CD163L1: variants seen among roughly 807,000 people sequenced by gnomAD.
CD163L1 encodes scavenger receptor cysteine-rich type 1 protein M160.
Under a neutral mutation model 165.4 loss-of-function variants are expected in CD163L1, and 124 were observed. That is an observed-to-expected ratio of 0.75 (90% CI 0.65 to 0.87). The LOEUF is 0.87. Among genes scored for constraint, CD163L1 ranks in the 40% least tolerant of loss-of-function variants. The pLI, the probability that CD163L1 is intolerant of heterozygous loss-of-function variation, is 0.00. For synonymous variants in CD163L1, 585 were observed against 662.2 expected, an observed-to-expected ratio of 0.88 and a Z score of 1.79; for missense variants, 1,525 against 1,799.9, an observed-to-expected ratio of 0.85 and a Z score of 2.76.
At chr12:7,373,733 A>G in intron 13 of CD163L1, 93 bp from the exon 14 acceptor site, 1 of 1,031,102 alleles carries the variant, frequency 9.7e-7, no homozygotes, top group Non-Finnish European at 1.4e-6. Flanking sequence ...GAAATAATAC[A>G]TTAGGGCTCA....
chr12:7,432,414 A>G lies in CD163L1; in HGVS notation c.766+2T>C, dbSNP rs1948644975. ...CTTCTACATGATGTCTTGGGTTCTTACCATAACAAGTTAATGTGACATCCT... is the reference window on the plus strand; with the variant it reads ...CTTCTACATGATGTCTTGGGTTCTTGCCATAACAAGTTAATGTGACATCCT... On this transcript the variant is annotated splice_donor_variant, in intron 4 of 19. Transcript: ENST00000313599. LOFTEE classifies it high-confidence loss of function. This position sits in a 1 kb window ranked among gnomAD's most constrained non-coding sequence, Gnocchi z 4.2. 1.2e-6 allele frequency: 2 copies of G among 1,604,874 alleles called. No homozygotes were observed. The highest frequency in any genetic ancestry group is 1.3e-5 in the African/African-American group (1 of 74,742).
intron 19 of CD163L1, among the ~76,000 whole-genome samples, chr12:7,355,406 T>G (rs1946754633): frequency 6.6e-6 from 1 of 152,146 alleles, no homozygotes; most frequent in African/African-American, 2.4e-5. Context: ...AAAAGAGTGT[T>G]AAATAACACC....
chr12:7,421,494 T>C (rs1245968005), intron 4 of CD163L1, among the ~76,000 whole-genome samples: 3 of 111,276 alleles, frequency 2.7e-5, no homozygotes, highest in Non-Finnish European at 5.0e-5. Context: ...CATATATACA[T>C]ATATGTACAT....
intron 5 of CD163L1, among the ~76,000 whole-genome samples, chr12:7,405,744 TA>T (rs1387571714): frequency 6.6e-6 from 1 of 152,212 alleles, no homozygotes. Context: ...AGTAATAATT[TA>T]CGAAAGAAGC....
Position 7,373,367 on chromosome 12 carries a change from T to C in CD163L1, c.3683A>G (p.Glu1228Gly). The C allele has an allele frequency of 6.2e-7, 1 of 1,614,022 alleles. No homozygotes were observed. Among genetic ancestry groups the C allele is most frequent in the Non-Finnish European group, 8.5e-7 (1 of 1,179,938 alleles). ...TTCTGCTGGGCTGGAGATTCTTCGC[T>C]CCCATGGGGCAGACAGGCACTGCCA... The part of the protein sequence containing the change: ...SIWQCLSAPW[E>G]RRISSPAEET... The change falls in exon 14 of 20, where the codon GAG becomes GGG. Residue 1228 changes from glutamate (E) to glycine (G), a missense_variant. Transcript: ENST00000313599.
the CD163L1 span, among the ~76,000 whole-genome samples, chr12:7,335,847 G>C: frequency 3.3e-5 from 5 of 152,282 alleles, no homozygotes; most frequent in Middle Eastern, 6.8e-3. Context: ...AGTGGGCAAA[G>C]GATATGAACA....
At chr12:7,377,915 T>C (rs773289480) in intron 9 of CD163L1, among the ~76,000 whole-genome samples, 66 of 152,382 alleles carry the variant, frequency 4.3e-4, no homozygotes, top group African/African-American at 1.6e-3. Context: ...AGTTTCCGTC[T>C]ACATATGTAG....
At chr12:7,376,707 C>T (rs1947278370) in intron 9 of CD163L1, among the ~76,000 whole-genome samples, 1 of 152,168 alleles carries the variant, frequency 6.6e-6, no homozygotes, top group Non-Finnish European at 1.5e-5. Flanking sequence ...ACTTCCATTA[C>T]ATACTATATC....
chr12:7,443,763 C>A (rs1233120166), intron 1 of CD163L1, among the ~76,000 whole-genome samples: 1 of 152,150 alleles, frequency 6.6e-6, no homozygotes, highest in Non-Finnish European at 1.5e-5. Flanking sequence ...AAAGCATTTA[C>A]TGTAGTACCT....
At chr12:7,391,045 T>C (rs1197178828) in intron 8 of CD163L1, among the ~76,000 whole-genome samples, 1 of 152,138 alleles carries the variant, frequency 6.6e-6, no homozygotes, top group Non-Finnish European at 1.5e-5. Context: ...CATTTCCAAC[T>C]GAGCCTCCGC....
At chr12:7,339,038 G>A in the CD163L1 span, among the ~76,000 whole-genome samples, 1 of 152,118 alleles carries the variant, frequency 6.6e-6, no homozygotes, top group African/African-American at 2.4e-5. Context: ...GGGCCTGAGG[G>A]CACAGGGAAA....
chr12:7,323,301 C>T, the CD163L1 span: 1 of 1,610,684 alleles, frequency 6.2e-7, no homozygotes, highest in East Asian at 2.2e-5. Flanking sequence ...GGAATGCTGC[C>T]CTATGATGTC....
intron 8 of CD163L1, among the ~76,000 whole-genome samples, chr12:7,380,323 A>ATGTG (rs1184439446): frequency 6.9e-6 from 1 of 145,174 alleles, no homozygotes; most frequent in South Asian, 2.2e-4. Flanking sequence ...ACATACATAT[A>ATGTG]TGTATGTATA....
the CD163L1 span, chr12:7,322,306 C>G: frequency 2.0e-6 from 3 of 1,474,456 alleles, no homozygotes; most frequent in Non-Finnish European, 2.8e-6. Flanking sequence ...ATGAACTTTG[C>G]TAAGACTTGC....
At chr12:7,326,769 C>T in the CD163L1 span, among the ~76,000 whole-genome samples, 4 of 152,190 alleles carry the variant, frequency 2.6e-5, no homozygotes, top group Non-Finnish European at 4.4e-5. Context: ...GCACTCCTCA[C>T]ACTCATAAAC....
the CD163L1 span, among the ~76,000 whole-genome samples, chr12:7,337,246 G>A: frequency 3.9e-5 from 6 of 152,100 alleles, no homozygotes; most frequent in Admixed American, 1.3e-4. Flanking sequence ...TACCATTCAG[G>A]ACATAAGCAC....
At chr12:7,324,574 T>C in the CD163L1 span, 2 of 1,613,852 alleles carry the variant, frequency 1.2e-6, no homozygotes, top group Non-Finnish European at 1.7e-6. Context: ...CTGTTGTCAG[T>C]AGTCCAGATC....
In CD163L1 at chr12:7,406,708, C is replaced by T; in HGVS notation, c.911G>A (p.Gly304Glu). 6.2e-7 allele frequency: 1 copy of T among 1,614,096 alleles called. No homozygotes were observed. The highest frequency in any genetic ancestry group is 1.3e-5 in the African/African-American group (1 of 75,058). Residue 304 changes from glycine to glutamate, a missense_variant, in exon 5 of 20, where the codon GGA becomes GAA. Gly to Glu is a moderately conservative substitution (Grantham distance 98). Coordinates refer to ENST00000313599, the MANE Select transcript of CD163L1 (RefSeq NM_174941.6). ...AGCGAAGTGAAGTGCGGTTCCACAT[C>T]CCAACTGCTTGCATACGACATCAGC... is the stretch of plus-strand genomic sequence containing the variant. ...AAADVVCKQL[G>E]CGTALHFAGL... is the part of the protein sequence containing the mutation.
At chr12:7,386,615 A>AC (rs1947523811) in intron 8 of CD163L1, among the ~76,000 whole-genome samples, 1 of 151,816 alleles carries the variant, frequency 6.6e-6, no homozygotes, top group South Asian at 2.1e-4. Context: ...AAAAAAAAAA[A>AC]AAAAAACAGT....
Sources: allele counts gnomAD v4.1 joint callset (sites outside exome capture counted in the v4.1 genomes callset), GRCh38; gene constraint gnomAD v4.1.1; non-coding constraint Gnocchi (gnomAD v3.1); transcripts MANE v1.5; gene names NCBI Gene and HGNC (gene_info 2026-07-23, HGNC 2026-07-21).